The following SLC4A4 variants were observed in gnomAD, a reference collection of about 807,000 sequenced individuals.
The protein encoded by SLC4A4 is solute carrier family 4 member 4, also known as electrogenic sodium bicarbonate cotransporter 1.
SLC4A4 carries 27 observed loss-of-function variants against 111.5 expected under a neutral mutation model. The observed-to-expected ratio is 0.24, with a 90% CI of 0.18 to 0.33. The LOEUF (loss-of-function observed/expected upper bound fraction) is 0.33, where lower values mean the gene tolerates loss of function less well. SLC4A4 is among the 10% of genes least tolerant of loss of function. The pLI, the probability that SLC4A4 is intolerant of heterozygous loss-of-function variation, is 1.00. For missense variants in SLC4A4, 909 were observed against 1,315.5 expected (o/e 0.69, Z 4.78); for synonymous variants, 443 against 463.4 (o/e 0.96, Z 0.57).
intron 1 of SLC4A4, among the ~76,000 whole-genome samples, chr4:71,214,038 T>C (rs372361956): frequency 6.6e-6 from 1 of 152,358 alleles, no homozygotes; most frequent in East Asian, 1.9e-4. Context: ...TTTTTATGCT[T>C]GTTCAGTTGG....
chr4:71,362,681 C>G (rs1027140108), intron 6 of SLC4A4, among the ~76,000 whole-genome samples: 3 of 152,222 alleles, frequency 2.0e-5, no homozygotes, highest in Non-Finnish European at 2.9e-5. Flanking sequence ...TCATAGCCCT[C>G]TTACGTAATA....
At chr4:71,318,219 G>C (rs976937419) in intron 3 of SLC4A4, among the ~76,000 whole-genome samples, 4 of 152,014 alleles carry the variant, frequency 2.6e-5, no homozygotes, top group Admixed American at 1.3e-4. Context: ...TGTTCTCAAA[G>C]TCTTTGCTCA....
intron 23 of SLC4A4, among the ~76,000 whole-genome samples, chr4:71,561,246 T>C (rs1023925075): frequency 4.6e-5 from 7 of 151,868 alleles, no homozygotes; most frequent in Admixed American, 6.6e-5. Context: ...TATCACATTA[T>C]TTATTTTTGT....
chr4:71,313,455 G>A (rs770465261), intron 3 of SLC4A4, among the ~76,000 whole-genome samples: 4 of 152,092 alleles, frequency 2.6e-5, no homozygotes, highest in Non-Finnish European at 5.9e-5. Flanking sequence ...AACCAAAAAA[G>A]CCCACATAGC....
At chr4:71,089,494 T>G (rs1335485859) in intron 1 of SLC4A4, among the ~76,000 whole-genome samples, 2 of 152,068 alleles carry the variant, frequency 1.3e-5, no homozygotes, top group African/African-American at 4.8e-5. Flanking sequence ...AGTTTCCAGT[T>G]TTTCTGCTCT....
intron 16 of SLC4A4, among the ~76,000 whole-genome samples, chr4:71,508,817 T>G (rs1413349692): frequency 6.6e-6 from 1 of 152,170 alleles, no homozygotes; most frequent in Admixed American, 6.5e-5. Flanking sequence ...ATGAGAAGTT[T>G]AGCCAGTATC....
At chr4:71,147,896 C>T (rs1249928393) in intron 2 of SLC4A4, among the ~76,000 whole-genome samples, 1 of 152,078 alleles carries the variant, frequency 6.6e-6, no homozygotes, top group Non-Finnish European at 1.5e-5. Context: ...GGACAGAGCA[C>T]ACTCCATAAG....
At chr4:71,352,472 C>T (rs1165502254) in intron 5 of SLC4A4, among the ~76,000 whole-genome samples, 3 of 152,132 alleles carry the variant, frequency 2.0e-5, no homozygotes, top group Non-Finnish European at 4.4e-5. Context: ...AATATACTTA[C>T]TCTATGGGAA....
rs1202357801 is a variant in SLC4A4, at chr4:71,247,524, G to A, written c.74-7696G>A. ...CATAATAGAGTCAGAGATGGACAAT[G>A]TGGTTGGAATGAGAGTGTGAACGTG... On this transcript the variant is annotated intron_variant, in intron 2 of 25. Coordinates refer to ENST00000264485, the MANE Select transcript of SLC4A4 (RefSeq NM_001098484.3). Among the ~76,000 whole-genome samples the A allele has an allele frequency of 2.0e-5, 3 of 152,124 alleles. No individual in the cohort carries two copies. In the South Asian group the frequency reaches 6.2e-4, roughly 32 times the overall value.
chr4:71,084,457 G>A (rs1313510299), intron 1 of SLC4A4, among the ~76,000 whole-genome samples: 1 of 151,912 alleles, frequency 6.6e-6, no homozygotes, highest in African/African-American at 2.4e-5. Context: ...ACAATGTGCA[G>A]GTTAGTTACA....
intron 18 of SLC4A4, among the ~76,000 whole-genome samples, chr4:71,541,864 A>G (rs1440884898): frequency 6.6e-6 from 1 of 152,078 alleles, no homozygotes; most frequent in Admixed American, 6.6e-5. Flanking sequence ...AAAAAGTTTC[A>G]TATGTTATTT....
rs143082796 is a variant in SLC4A4 at position 71,472,705 on chromosome 4, T to C, written c.1638T>C (p.Asn546=). The stretch of plus-strand genomic sequence containing the variant: ...TTTTCTTTCTTTTTTCCAGGGACAA[T>C]AATTTTGACTATTTGGAGTTTCGCC... ...ERLLFNFSKD[N]NFDYLEFRLW... Residue 546 remains asparagine, a synonymous_variant, in exon 14 of 26, where the codon AAT becomes AAC. Transcript: ENST00000264485. 2.4e-5 allele frequency: 39 copies of C among 1,612,522 alleles called. No homozygotes were observed. Among genetic ancestry groups the C allele is most frequent in the Non-Finnish European group, 3.3e-5 (39 of 1,179,100 alleles).
intron 16 of SLC4A4, among the ~76,000 whole-genome samples, chr4:71,513,918 T>A (rs932884271): frequency 2.6e-5 from 4 of 152,268 alleles, no homozygotes; most frequent in Admixed American, 2.6e-4. Context: ...ATACTGTTGA[T>A]GTGATGTCAC....
chr4:71,463,124 C>T (rs1433103691), intron 12 of SLC4A4, among the ~76,000 whole-genome samples: 1 of 152,124 alleles, frequency 6.6e-6, no homozygotes, highest in Non-Finnish European at 1.5e-5. Context: ...AAATGAAAGC[C>T]CAACCAAAAT....
At chr4:71,401,710 G>T (rs959499322) in intron 7 of SLC4A4, among the ~76,000 whole-genome samples, 7 of 152,086 alleles carry the variant, frequency 4.6e-5, no homozygotes, top group African/African-American at 1.7e-4. Context: ...TTACCCCTTA[G>T]CTTTAACTCT....
intron 12 of SLC4A4, among the ~76,000 whole-genome samples, chr4:71,458,422 G>A (rs1726495678): frequency 6.6e-6 from 1 of 152,044 alleles, no homozygotes; most frequent in Admixed American, 6.6e-5. Context: ...GAATGAATAA[G>A]CACAGTCTAG....
intron 3 of SLC4A4, among the ~76,000 whole-genome samples, chr4:71,333,483 C>T (rs1306385682): frequency 6.6e-6 from 1 of 152,130 alleles, no homozygotes; most frequent in Non-Finnish European, 1.5e-5. Context: ...GGGTCAGACT[C>T]GAAGTCAGCA....
intron 3 of SLC4A4, among the ~76,000 whole-genome samples, chr4:71,289,727 T>C (rs540805875): frequency 1.5e-4 from 23 of 152,274 alleles, no homozygotes; most frequent in African/African-American, 4.8e-4. Context: ...GGAAGAAAGA[T>C]ATATGTGAGG....
chr4:71,380,461 G>A (rs1408599287), intron 6 of SLC4A4, among the ~76,000 whole-genome samples: 2 of 152,172 alleles, frequency 1.3e-5, no homozygotes, highest in Non-Finnish European at 2.9e-5. Context: ...CCCACTTGAA[G>A]TTAGGTGTGA....
Sources: allele counts gnomAD v4.1 joint callset (sites outside exome capture counted in the v4.1 genomes callset), GRCh38; gene constraint gnomAD v4.1.1; transcripts MANE v1.5; gene names NCBI Gene and HGNC (gene_info 2026-07-23, HGNC 2026-07-21).